The following DACH2 variants were observed in gnomAD, a reference collection of about 807,000 sequenced individuals.
The protein encoded by DACH2 is dachshund family transcription factor 2.
In DACH2, 17 loss-of-function variants were observed where a neutral mutation model predicts 35.8. That is an observed-to-expected ratio of 0.48 (90% CI 0.33 to 0.71). The LOEUF is 0.71. Ranked by LOEUF, DACH2 falls within the 30% of genes least tolerant of loss-of-function variation. The pLI is 0.02. For synonymous variants in DACH2, 195 were observed against 177.3 expected (o/e 1.10, Z -0.79); for missense variants, 469 against 472.7 (o/e 0.99, Z 0.07).
In DACH2 at chrX:86,282,774, C is replaced by CT. The variant is rs746321715; in HGVS notation, c.489-94029dup. The stretch of plus-strand genomic sequence containing the variant: ...GGGCAAATGCTATGAACAGACACTT[C>CT]TTTTTTTTTTTTTTTTTTTTTGAGA... On this transcript the variant is annotated intron_variant, in intron 1 of 11. Transcript: ENST00000373125. 7.7e-3 allele frequency among the ~76,000 whole-genome samples: 292 copies of CT among 37,697 alleles called. 44 individuals are homozygous for CT. The highest frequency in any genetic ancestry group is 0.01 in the Admixed American group (24 of 2,298). The allele number at this position is 37,697 out of a possible 115,157, so 32.7% of individuals were successfully genotyped here.
At chrX:86,266,356 T>A (rs991025746) in intron 1 of DACH2, among the ~76,000 whole-genome samples, 1 of 111,794 alleles carries the variant, frequency 8.9e-6, no homozygotes. Flanking sequence ...ACGGGTGTCA[T>A]ACAACCGTAG....
chrX:86,544,875 G>T (rs2038936312), intron 3 of DACH2, among the ~76,000 whole-genome samples: 1 of 112,317 alleles, frequency 8.9e-6, no homozygotes, highest in Non-Finnish European at 1.9e-5. Context: ...AAGACCTAAT[G>T]ATTTGATATC....
chrX:86,775,412 C>T (rs756971966), intron 7 of DACH2, among the ~76,000 whole-genome samples: 9 of 111,199 alleles, frequency 8.1e-5, no homozygotes, highest in Non-Finnish European at 1.5e-4. Flanking sequence ...ATTAGATTCT[C>T]ATAGGAGTGC....
Position 86,411,198 on chromosome X carries a change from C to A in DACH2, c.527+34336C>A, listed in dbSNP as rs752037684. Among the ~76,000 whole-genome samples, 4 of 105,782 alleles carry A rather than the reference C, an allele frequency of 3.8e-5. No homozygotes were observed. The South Asian group carries it at 1.4e-3, about 36-fold the overall frequency. 91.9% of individuals were successfully genotyped at this position (105,782 alleles called of 115,157 possible). ...CGAGGGCAGGAAGGATGCAGCACAG[C>A]ATGGAAGAAAGATGTAGGCTGGGAG... is the stretch of plus-strand genomic sequence containing the variant. On this transcript the variant is annotated intron_variant, in intron 2 of 11. Coordinates refer to ENST00000373125, the MANE Select transcript of DACH2 (RefSeq NM_053281.3).
intron 11 of DACH2, among the ~76,000 whole-genome samples, chrX:86,816,627 C>T (rs373767904): frequency 1.8e-5 from 2 of 111,291 alleles, no homozygotes; most frequent in East Asian, 2.8e-4. Flanking sequence ...ACTTATAATT[C>T]GTGATTTACA....
chrX:86,236,962 AAC>A (rs2033068257), intron 1 of DACH2, among the ~76,000 whole-genome samples: 1 of 112,961 alleles, frequency 8.9e-6, no homozygotes, highest in African/African-American at 3.2e-5. Context: ...CTTTTGTAAT[AAC>A]ACAGCTTAAT....
chrX:86,360,487 C>A (rs917039031), intron 1 of DACH2, among the ~76,000 whole-genome samples: 46 of 111,599 alleles, frequency 4.1e-4, no homozygotes, highest in Non-Finnish European at 6.8e-4. Context: ...AAAATAAGGT[C>A]ATTGAATTTT....
At chrX:86,551,720 AC>A (rs1301392869) in intron 3 of DACH2, among the ~76,000 whole-genome samples, 1 of 111,592 alleles carries the variant, frequency 9.0e-6, no homozygotes, top group East Asian at 2.8e-4. Context: ...TTTTCTTTTC[AC>A]CTCAACATGC....
At chrX:86,604,728 A>T (rs1602691639) in intron 3 of DACH2, among the ~76,000 whole-genome samples, 1 of 111,556 alleles carries the variant, frequency 9.0e-6, no homozygotes, top group South Asian at 3.7e-4. Context: ...GCCCCAATGT[A>T]ATCACATGAG....
At chrX:86,607,789 C>T (rs2039879094) in intron 3 of DACH2, among the ~76,000 whole-genome samples, 1 of 94,790 alleles carries the variant, frequency 1.1e-5, no homozygotes, top group African/African-American at 3.9e-5. Flanking sequence ...GTTCCCCTTC[C>T]TGTGTCCATG....
intron 2 of DACH2, among the ~76,000 whole-genome samples, chrX:86,495,878 C>T (rs1299847966): frequency 9.0e-6 from 1 of 110,663 alleles, no homozygotes; most frequent in Non-Finnish European, 1.9e-5. Context: ...ACCTTTGATT[C>T]ATATTTCTTT....
chrX:86,584,863 G>A (rs886454233), intron 3 of DACH2, among the ~76,000 whole-genome samples: 3 of 110,944 alleles, frequency 2.7e-5, no homozygotes, highest in African/African-American at 9.8e-5. Flanking sequence ...ATGTCCATAA[G>A]TGCCCAGTTT....
chrX:86,694,390 C>G (rs1055726356), intron 4 of DACH2, among the ~76,000 whole-genome samples: 3 of 111,964 alleles, frequency 2.7e-5, no homozygotes, highest in Non-Finnish European at 5.6e-5. Context: ...AATAGCTATG[C>G]CAATGTAGAT....
At chrX:86,270,259 T>A (rs2033792482) in intron 1 of DACH2, among the ~76,000 whole-genome samples, 1 of 109,978 alleles carries the variant, frequency 9.1e-6, no homozygotes. Flanking sequence ...AATCAAATAC[T>A]CTGTTCTTTA....
intron 1 of DACH2, among the ~76,000 whole-genome samples, chrX:86,320,161 A>G (rs998850214): frequency 2.6e-4 from 29 of 111,796 alleles, no homozygotes; most frequent in African/African-American, 9.4e-4. Context: ...TCTTTCATGC[A>G]TGCACCAAGG....
intron 3 of DACH2, among the ~76,000 whole-genome samples, chrX:86,528,232 AAT>A (rs1424580782): frequency 3.6e-5 from 4 of 110,727 alleles, no homozygotes; most frequent in African/African-American, 1.3e-4. Context: ...ATATAAAACA[AAT>A]ATTTGCAAAC....
At chrX:86,822,081 C>T (rs942406655) in intron 11 of DACH2, among the ~76,000 whole-genome samples, 2 of 111,447 alleles carry the variant, frequency 1.8e-5, no homozygotes, top group Non-Finnish European at 3.8e-5. Flanking sequence ...TATGCCAACC[C>T]CAACCTAGGT....
At chrX:86,399,482 G>A (rs924632191) in intron 2 of DACH2, among the ~76,000 whole-genome samples, 2 of 111,696 alleles carry the variant, frequency 1.8e-5, no homozygotes, top group African/African-American at 6.5e-5. Flanking sequence ...AGCCTTGATG[G>A]TCTTTACAAT....
chrX:86,610,418 T>TTTCTTTTCTTTCTTTC (rs1491456126), intron 3 of DACH2, among the ~76,000 whole-genome samples: 6 of 62,205 alleles, frequency 9.6e-5, no homozygotes, highest in African/African-American at 3.9e-4. Flanking sequence ...TCTTTCTTTC[T>TTTCTTTTCTTTCTTTC]TTTCTTTCTT....
Sources: allele counts gnomAD v4.1 joint callset (sites outside exome capture counted in the v4.1 genomes callset), GRCh38; gene constraint gnomAD v4.1.1; transcripts MANE v1.5; gene names NCBI Gene and HGNC (gene_info 2026-07-23, HGNC 2026-07-21).